ATP6V1C2: variants seen among roughly 807,000 people sequenced by gnomAD.
ATP6V1C2 encodes ATPase H+ transporting V1 subunit C2, also known as V-type proton ATPase subunit C 2.
A neutral mutation model predicts 56.8 loss-of-function variants in ATP6V1C2; 45 were observed. The observed-to-expected ratio is 0.79, with a 90% CI of 0.62 to 1.02. ATP6V1C2 has a LOEUF of 1.02. ATP6V1C2 is among the 50% of genes least tolerant of loss of function. The pLI is 0.00. For missense variants in ATP6V1C2, 463 were observed against 519.7 expected, an observed-to-expected ratio of 0.89 and a Z score of 1.06; for synonymous variants, 220 against 201.3, an observed-to-expected ratio of 1.09 and a Z score of -0.79.
intron 3 of ATP6V1C2, among the ~76,000 whole-genome samples, chr2:10,737,081 T>G (rs1662289705): frequency 6.6e-6 from 1 of 151,910 alleles, no homozygotes; most frequent in Non-Finnish European, 1.5e-5. Flanking sequence ...TTTATTTTTG[T>G]TTTTGTTTTT....
intron 3 of ATP6V1C2, among the ~76,000 whole-genome samples, chr2:10,748,923 G>A (rs925501697): frequency 6.6e-6 from 1 of 151,850 alleles, no homozygotes; most frequent in Non-Finnish European, 1.5e-5. Context: ...GAGGTCAGGA[G>A]TTCAAGACCA....
chr2:10,760,038 T>G (rs1470248062), intron 4 of ATP6V1C2, among the ~76,000 whole-genome samples: 1 of 150,770 alleles, frequency 6.6e-6, no homozygotes, highest in Non-Finnish European at 1.5e-5. Context: ...TTGTTTTTTT[T>G]TTTTTTGCTT....
chr2:10,761,458 A>C (rs142479922), intron 4 of ATP6V1C2, among the ~76,000 whole-genome samples: 67 of 152,052 alleles, frequency 4.4e-4, no homozygotes, highest in Non-Finnish European at 8.4e-4. Flanking sequence ...CCCTGCTCTT[A>C]CTTCCACCCC....
chr2:10,748,405 T>A (rs1663034832), intron 3 of ATP6V1C2, among the ~76,000 whole-genome samples: 1 of 152,132 alleles, frequency 6.6e-6, no homozygotes, highest in South Asian at 2.1e-4. Flanking sequence ...TTAACTTTGG[T>A]CACTTGACTA....
At chr2:10,726,617 T>G (rs766775983) in intron 3 of ATP6V1C2, 48 bp downstream of exon 3, 5 of 1,512,398 alleles carry the variant, frequency 3.3e-6, no homozygotes, top group Non-Finnish European at 4.6e-6. Flanking sequence ...TTGACATTGT[T>G]GTCAGAGGAC....
intron 3 of ATP6V1C2, among the ~76,000 whole-genome samples, chr2:10,748,043 A>G (rs1332161604): frequency 6.6e-6 from 1 of 152,048 alleles, no homozygotes; most frequent in African/African-American, 2.4e-5. Context: ...TATTACAGGC[A>G]TGCACCACTA....
chr2:10,721,344 C>T (rs1231547627), upstream of ATP6V1C2, among the ~76,000 whole-genome samples: 1 of 152,130 alleles, frequency 6.6e-6, no homozygotes, highest in East Asian at 1.9e-4. Context: ...GACTCCCACC[C>T]GGCTCAGCCG....
chr2:10,777,057 G>A (rs1378771534), intron 10 of ATP6V1C2, among the ~76,000 whole-genome samples: 1 of 152,254 alleles, frequency 6.6e-6, no homozygotes, highest in Non-Finnish European at 1.5e-5. Flanking sequence ...AGTGTACTTT[G>A]AGAGCAGAGT....
At chr2:10,754,315 G>A (rs1008768572) in intron 4 of ATP6V1C2, among the ~76,000 whole-genome samples, 13 of 151,518 alleles carry the variant, frequency 8.6e-5, no homozygotes, top group African/African-American at 2.2e-4. Context: ...AACCTCCGCC[G>A]CCCGGGTTCA....
intron 3 of ATP6V1C2, among the ~76,000 whole-genome samples, chr2:10,743,844 G>A (rs1662700048): frequency 6.6e-6 from 1 of 151,886 alleles, no homozygotes; most frequent in Non-Finnish European, 1.5e-5. Flanking sequence ...AATTAGCCAG[G>A]CATGATGGCG....
chr2:10,724,541 T>C (rs1483016045), intron 2 of ATP6V1C2, among the ~76,000 whole-genome samples: 1 of 152,114 alleles, frequency 6.6e-6, no homozygotes, highest in Non-Finnish European at 1.5e-5. Flanking sequence ...TGTGAGGCAC[T>C]GTGCTGGACT....
Position 10,771,794 on chromosome 2 carries a change from T to C in ATP6V1C2, c.471-45T>C, listed in dbSNP as rs990242769. On this transcript the variant is annotated intron_variant, in intron 6 of 13. Coordinates refer to ENST00000272238, the MANE Select transcript of ATP6V1C2 (RefSeq NM_001039362.2). ...GGTGTGTGTGGGGTCACTGTGTCCC[T>C]TTCTGCTCACATCTTTCACACCCTT... The C allele has an allele frequency of 2.0e-6, 3 of 1,508,118 alleles. No homozygotes were observed. In the African/African-American group the frequency reaches 4.1e-5, roughly 21 times the overall value. 93.4% of individuals were successfully genotyped at this position (1,508,118 alleles called of 1,614,324 possible).
chr2:10,727,274 G>T (rs192638205), intron 3 of ATP6V1C2, among the ~76,000 whole-genome samples: 15 of 151,552 alleles, frequency 9.9e-5, no homozygotes, highest in Admixed American at 4.6e-4. Context: ...TTCACCATGT[G>T]TTCCAGGCTA....
Position 10,780,016 on chromosome 2 carries a change from T to G in ATP6V1C2, c.1061+1347T>G, listed in dbSNP as rs1486570975. On this transcript the variant is annotated intron_variant, in intron 12 of 13. Coordinates refer to ENST00000272238, the MANE Select transcript of ATP6V1C2 (RefSeq NM_001039362.2). The surrounding 1 kb of genome is among the most constrained non-coding windows in gnomAD (Gnocchi z 4.1). ...GGCTCCTCCAGCCCCTGAGACCCTC[T>G]GTGTGACCTTCCGGACCCCTTCCCC... Among the ~76,000 whole-genome samples, 1 of 152,126 alleles carries G rather than the reference T, an allele frequency of 6.6e-6. No individual in the cohort carries two copies. The highest frequency in any genetic ancestry group is 1.5e-5 in the Non-Finnish European group (1 of 68,012).
chr2:10,764,483 C>T (rs1364437283), intron 5 of ATP6V1C2, 58 bp downstream of exon 5: 1 of 1,456,926 alleles, frequency 6.9e-7, no homozygotes, highest in African/African-American at 1.4e-5. Flanking sequence ...GGGCAAGAGC[C>T]TGGGTAGGGC....
chr2:10,733,743 G>A (rs1482296014), intron 3 of ATP6V1C2, among the ~76,000 whole-genome samples: 7 of 151,582 alleles, frequency 4.6e-5, no homozygotes, highest in Non-Finnish European at 8.8e-5. Context: ...CCCAGGCGCT[G>A]GGGCGGTCAG....
chr2:10,767,660 G>C (rs1378304258), intron 5 of ATP6V1C2, among the ~76,000 whole-genome samples: 4 of 152,076 alleles, frequency 2.6e-5, no homozygotes, highest in Non-Finnish European at 4.4e-5. Context: ...GTTTTACCAT[G>C]TTGGCCAGGC....
chr2:10,775,127 A>G lies in ATP6V1C2; in HGVS notation c.825+56A>G, dbSNP rs140412002. ...CCCTACCCGGAGGCCTGGGGATAGAAGAGTCCTCCCAGGTCTCCAGCTCTC... is the reference window on the plus strand; with the variant it reads ...CCCTACCCGGAGGCCTGGGGATAGAGGAGTCCTCCCAGGTCTCCAGCTCTC... On this transcript the variant is annotated intron_variant, in intron 10 of 13. Transcript: ENST00000272238. The G allele has an allele frequency of 1.3e-3, 1,760 of 1,359,284 alleles. 27 individuals are homozygous for G. In the African/African-American group the frequency reaches 0.022, roughly 17 times the overall value. 84.2% of individuals were successfully genotyped at this position (1,359,284 alleles called of 1,614,324 possible). A position where few individuals can be genotyped will look rare whatever the true frequency, so the allele number is the denominator to read the frequency against.
At chr2:10,723,907 G>A (rs1661499469) in intron 2 of ATP6V1C2, among the ~76,000 whole-genome samples, 2 of 150,984 alleles carry the variant, frequency 1.3e-5, no homozygotes, top group South Asian at 2.1e-4. Context: ...GATTACAGGC[G>A]TGTGCCACCA....
Sources: gnomAD v4.1 joint callset for allele counts (sites outside exome capture counted in the v4.1 genomes callset) on GRCh38, gnomAD v4.1.1 for gene constraint, Gnocchi (gnomAD v3.1) non-coding constraint, MANE v1.5 for transcripts, NCBI Gene and HGNC (gene_info 2026-07-23, HGNC 2026-07-21) for gene names.